TANC1: variants seen among roughly 807,000 people sequenced by gnomAD.
The protein encoded by TANC1 is protein TANC1.
Under a neutral mutation model 149.7 loss-of-function variants are expected in TANC1, and 77 were observed. That is an observed-to-expected ratio of 0.51 (90% CI 0.43 to 0.62). TANC1 has a LOEUF of 0.62. Ranked by LOEUF, TANC1 falls within the 20% of genes least tolerant of loss-of-function variation. The pLI is 0.00. For missense variants in TANC1, 1,985 were observed against 2,321.8 expected, an observed-to-expected ratio of 0.85 and a Z score of 2.98; for synonymous variants, 854 against 925.0, an observed-to-expected ratio of 0.92 and a Z score of 1.39.
intron 3 of TANC1, among the ~76,000 whole-genome samples, chr2:159,093,347 T>C (rs1282265774): frequency 6.6e-6 from 1 of 152,248 alleles, no homozygotes; most frequent in Non-Finnish European, 1.5e-5. Context: ...TTAATTCCTC[T>C]TAAATGTCTT....
intron 2 of TANC1, among the ~76,000 whole-genome samples, chr2:159,047,728 A>G: frequency 6.6e-6 from 1 of 152,150 alleles, no homozygotes; most frequent in Non-Finnish European, 1.5e-5. Context: ...TATAAAACCA[A>G]GCTGTGCTCT....
At chr2:159,162,396 G>A (rs571720125) in intron 7 of TANC1, among the ~76,000 whole-genome samples, 11 of 152,232 alleles carry the variant, frequency 7.2e-5, no homozygotes, top group African/African-American at 2.2e-4. Flanking sequence ...CGCAGCCAGC[G>A]TTAGTTCTAA....
At chr2:159,171,876 G>GAA (rs1305567801) in intron 10 of TANC1, among the ~76,000 whole-genome samples, 10 of 76,518 alleles carry the variant, frequency 1.3e-4, no homozygotes, top group Non-Finnish European at 2.1e-4. Context: ...AAAAAAAAAA[G>GAA]AAAAAGAAAA....
chr2:159,135,277 C>T (rs1383129294), intron 4 of TANC1, among the ~76,000 whole-genome samples: 1 of 152,262 alleles, frequency 6.6e-6, no homozygotes, highest in African/African-American at 2.4e-5. Flanking sequence ...ATCGATACTT[C>T]ATTCCTTTCT....
In TANC1 at chr2:159,230,414, C is replaced by G. The variant is rs1377324219; in HGVS notation, c.4988C>G (p.Ser1663Ter). The G allele has an allele frequency of 1.2e-6, 2 of 1,614,070 alleles. No individual in the cohort carries two copies. The highest frequency in any genetic ancestry group is 1.3e-5 in the African/African-American group (1 of 74,944). The change falls in exon 27 of 27, where the codon TCA becomes TGA. Residue 1663 changes from serine (S) to a stop codon, truncating the protein, a stop_gained. Coordinates refer to ENST00000263635, the MANE Select transcript of TANC1 (RefSeq NM_033394.3). LOFTEE classifies it high-confidence loss of function. This position sits in a 1 kb window ranked among gnomAD's most constrained non-coding sequence, Gnocchi z 4.4. ...DVRHPASLTSSGSSGSPSSSI... is the reference protein window; with the variant it reads ...DVRHPASLTS ...CGACACCCAGCTTCCCTCACCAGCT[C>G]AGGCTCTTCTGGTTCTCCATCCAGC... is the stretch of plus-strand genomic sequence containing the variant.
At chr2:159,181,580 A>G (rs962000725) in intron 14 of TANC1, among the ~76,000 whole-genome samples, 8 of 152,230 alleles carry the variant, frequency 5.3e-5, no homozygotes, top group Admixed American at 3.3e-4. Flanking sequence ...TACAGGCGTG[A>G]GCCACTGCGC....
At chr2:159,090,265 A>G (rs1441874104) in intron 3 of TANC1, among the ~76,000 whole-genome samples, 3 of 152,240 alleles carry the variant, frequency 2.0e-5, no homozygotes, top group African/African-American at 4.8e-5. Flanking sequence ...CAAGGAATGT[A>G]CATTTGGAAT....
Position 159,231,155 on chromosome 2 carries a change from A to AT in TANC1, c.*144dup. On this transcript the variant is annotated 3_prime_UTR_variant, in exon 27 of 27. Transcript: ENST00000263635. ...ATCTGATGCCATTGATATATCTAAA[A>AT]TGTGGGATAAAACTTCTTTAATAGC... 1 of 625,626 alleles carries AT rather than the reference A, an allele frequency of 1.6e-6. No homozygotes were observed. Among genetic ancestry groups the AT allele is most frequent in the Non-Finnish European group, 2.7e-6 (1 of 364,402 alleles). The allele number at this position is 625,626 out of a possible 1,614,324, so 38.8% of individuals were successfully genotyped here.
rs111498713 is a variant in TANC1, at chr2:159,150,248, A to AT, written c.496-112dup. On this transcript the variant is annotated intron_variant, in intron 6 of 26. Transcript: ENST00000263635. ...TATCTATACACACATATCTCTTTAG[A>AT]TTTTTTTTTTAAAACTTCCGTTTTC... 2.3e-3 allele frequency: 1,565 copies of AT among 691,474 alleles called. 2 individuals carry two copies. Among genetic ancestry groups the AT allele is most frequent in the South Asian group, 4.5e-3 (217 of 48,164 alleles). 42.8% of individuals were successfully genotyped at this position (691,474 alleles called of 1,614,324 possible). A position where few individuals can be genotyped will look rare whatever the true frequency, so the allele number is the denominator to read the frequency against.
intron 20 of TANC1, 143 bp from the exon 21 acceptor site, chr2:159,219,095 T>G: frequency 2.8e-6 from 3 of 1,079,732 alleles, no homozygotes; most frequent in Non-Finnish European, 4.2e-6. Context: ...GGAAAGATTT[T>G]CCAGGCCCCA....
chr2:158,975,491 G>C (rs1429739730), intron 1 of TANC1, among the ~76,000 whole-genome samples: 2 of 152,080 alleles, frequency 1.3e-5, no homozygotes, highest in Non-Finnish European at 2.9e-5. Flanking sequence ...TTAGGTCCTG[G>C]CATATTTGAA....
intron 11 of TANC1, among the ~76,000 whole-genome samples, chr2:159,174,395 G>A (rs1174951739): frequency 6.6e-6 from 1 of 152,108 alleles, no homozygotes; most frequent in Non-Finnish European, 1.5e-5. Context: ...CAGTGCCCCT[G>A]TAGAACTCCT....
intron 8 of TANC1, among the ~76,000 whole-genome samples, chr2:159,168,820 G>T (rs1203167603): frequency 6.6e-6 from 1 of 152,004 alleles, no homozygotes; most frequent in African/African-American, 2.4e-5. Flanking sequence ...TGTACACATA[G>T]AATCTGCCCA....
chr2:159,012,887 T>C (rs552180188), intron 2 of TANC1, among the ~76,000 whole-genome samples: 3 of 152,324 alleles, frequency 2.0e-5, no homozygotes, highest in African/African-American at 4.8e-5. Flanking sequence ...GGCTACTCTT[T>C]CGGTGTTCCA....
chr2:159,074,692 T>C (rs777550184), intron 3 of TANC1, among the ~76,000 whole-genome samples: 75 of 152,332 alleles, frequency 4.9e-4, no homozygotes, highest in Admixed American at 3.9e-4. Context: ...ATTTTGATTT[T>C]TGATAGTACA....
intron 8 of TANC1, 27 bp downstream of exon 8, chr2:159,163,573 AT>A (rs896081083): frequency 4.4e-6 from 7 of 1,600,930 alleles, no homozygotes; most frequent in Non-Finnish European, 6.0e-6. Flanking sequence ...CCCTGGAAGG[AT>A]TATCTCAGGG....
At chr2:159,112,060 ATTTCT>A (rs1245667371) in intron 4 of TANC1, among the ~76,000 whole-genome samples, 3 of 152,030 alleles carry the variant, frequency 2.0e-5, no homozygotes, top group Non-Finnish European at 4.4e-5. Flanking sequence ...TTCAGTAGGG[ATTTCT>A]TTTCTTGAAA....
At position 159,178,681 on chromosome 2, in the gene TANC1, C is replaced by T. The variant is rs780457825; in HGVS notation, c.2028C>T (p.Ser676=). The part of the protein sequence containing the change: ...HRVHSSQDIL[S]NISLNGKADA... ...TGCACAGCAGCCAGGACATCCTCAG[C>T]AACATCTCCCTGAATGGCAAGGCCG... Residue 676 remains serine (S), a synonymous_variant, in exon 14 of 27, where the codon AGC becomes AGT. Coordinates refer to ENST00000263635, the MANE Select transcript of TANC1 (RefSeq NM_033394.3). 6.2e-7 allele frequency: 1 copy of T among 1,614,166 alleles called. No homozygotes were observed. The highest frequency in any genetic ancestry group is 1.7e-5 in the Admixed American group (1 of 60,026).
intron 4 of TANC1, among the ~76,000 whole-genome samples, chr2:159,104,996 T>TAGA (rs2047023624): frequency 2.7e-5 from 1 of 37,100 alleles, no homozygotes; most frequent in African/African-American, 1.0e-4. Flanking sequence ...TTTTTTTTTT[T>TAGA]TTTTTTTTTT....
Sources: allele counts gnomAD v4.1 joint callset (sites outside exome capture counted in the v4.1 genomes callset), GRCh38; gene constraint gnomAD v4.1.1; non-coding constraint Gnocchi (gnomAD v3.1); transcripts MANE v1.5; gene names NCBI Gene and HGNC (gene_info 2026-07-23, HGNC 2026-07-21).